The following PIK3C2G variants were observed in gnomAD, a reference collection of about 807,000 sequenced individuals.
PIK3C2G encodes phosphatidylinositol 3-kinase C2 domain-containing subunit gamma.
Under a neutral mutation model 181.1 loss-of-function variants are expected in PIK3C2G, and 168 were observed. That is an observed-to-expected ratio of 0.93 (90% CI 0.82 to 1.05). The LOEUF (loss-of-function observed/expected upper bound fraction) is 1.05, where lower values mean the gene tolerates loss of function less well. PIK3C2G is among the 50% of genes least tolerant of loss of function. PIK3C2G has a pLI of 0.00. For missense variants in PIK3C2G, 1,869 were observed against 1,732.8 expected, an observed-to-expected ratio of 1.08 and a Z score of -1.40; for synonymous variants, 573 against 592.2, an observed-to-expected ratio of 0.97 and a Z score of 0.47.
At chr12:18,361,619 T>G (rs1941245216) in intron 11 of PIK3C2G, among the ~76,000 whole-genome samples, 2 of 152,150 alleles carry the variant, frequency 1.3e-5, no homozygotes. Context: ...TCACTCTGCT[T>G]GTACTTGTAA....
At chr12:18,349,864 C>T (rs1940056621) in intron 11 of PIK3C2G, among the ~76,000 whole-genome samples, 1 of 152,112 alleles carries the variant, frequency 6.6e-6, no homozygotes, top group African/African-American at 2.4e-5. Flanking sequence ...AAAACATGTC[C>T]TGGCATGCAA....
At chr12:18,361,238 G>T (rs1486210556) in intron 11 of PIK3C2G, among the ~76,000 whole-genome samples, 1 of 151,716 alleles carries the variant, frequency 6.6e-6, no homozygotes, top group African/African-American at 2.4e-5. Flanking sequence ...GTATCCTTTA[G>T]CTCCATAATT....
intron 30 of PIK3C2G, among the ~76,000 whole-genome samples, chr12:18,599,696 AT>A (rs1947600697): frequency 7.0e-6 from 1 of 143,134 alleles, no homozygotes. Flanking sequence ...AAAAATAAAA[AT>A]AAAAATAAAG....
intron 25 of PIK3C2G, among the ~76,000 whole-genome samples, chr12:18,540,061 A>G (rs1326200978): frequency 6.6e-6 from 1 of 151,860 alleles, no homozygotes; most frequent in Admixed American, 6.6e-5. Flanking sequence ...TTTAAATAAT[A>G]AATATCCAGG....
chr12:18,259,157 T>C (rs1948177982), upstream of PIK3C2G, among the ~76,000 whole-genome samples: 1 of 152,100 alleles, frequency 6.6e-6, no homozygotes, highest in Admixed American at 6.6e-5. Context: ...ATAGCAGAAA[T>C]CTTGTCGGTC....
rs377755015 is a variant in PIK3C2G, at chr12:18,294,002, G to T, written c.1021G>T (p.Glu341Ter). 2.6e-6 allele frequency: 4 copies of T among 1,529,782 alleles called. No homozygotes were observed. The highest frequency in any genetic ancestry group is 1.4e-5 in the African/African-American group (1 of 72,964). The allele number at this position is 1,529,782 out of a possible 1,614,324, so 94.8% of individuals were successfully genotyped here. A position where few individuals can be genotyped will look rare whatever the true frequency, so the allele number is the denominator to read the frequency against. Residue 341 changes from glutamate to a stop codon, truncating the protein, a stop_gained, in exon 5 of 33, where the codon GAA (glutamate) becomes TAA (stop). Transcript: ENST00000538779. LOFTEE classifies it high-confidence loss of function. ...TATTCTAAGTGTATGTGGCTCTGAA[G>T]AATTTTTACAAAAGTAAGTATTTTA... ...DHILSVCGSE[E>*]FLQNDHCLGS...
intron 5 of PIK3C2G, among the ~76,000 whole-genome samples, chr12:18,308,885 CTGT>C (rs1950528928): frequency 1.3e-5 from 2 of 151,584 alleles, no homozygotes; most frequent in East Asian, 3.9e-4. Flanking sequence ...GAATGTAGCA[CTGT>C]TATGTGTTTA....
At chr12:18,673,408 C>T in the PIK3C2G span, among the ~76,000 whole-genome samples, 5 of 151,610 alleles carry the variant, frequency 3.3e-5, no homozygotes, top group Admixed American at 3.3e-4. Flanking sequence ...ATAAACAGAG[C>T]CATTTCACCA....
chr12:18,510,583 T>C (rs1041343216), intron 24 of PIK3C2G, among the ~76,000 whole-genome samples: 4 of 152,224 alleles, frequency 2.6e-5, no homozygotes, highest in African/African-American at 9.6e-5. Flanking sequence ...TTCGCTTTGC[T>C]GATGCTAGCC....
chr12:18,319,498 C>T (rs1951012359), intron 6 of PIK3C2G, among the ~76,000 whole-genome samples: 1 of 151,738 alleles, frequency 6.6e-6, no homozygotes, highest in African/African-American at 2.4e-5. Flanking sequence ...GTTTCCAATA[C>T]ATGTATCTTA....
At chr12:18,508,746 C>G (rs1282671399) in intron 24 of PIK3C2G, among the ~76,000 whole-genome samples, 1 of 151,990 alleles carries the variant, frequency 6.6e-6, no homozygotes, top group Non-Finnish European at 1.5e-5. Flanking sequence ...TAATGGAACA[C>G]TAGACATAAA....
At chr12:18,488,105 C>T (rs528331682) in intron 18 of PIK3C2G, among the ~76,000 whole-genome samples, 39 of 152,216 alleles carry the variant, frequency 2.6e-4, no homozygotes, top group African/African-American at 8.7e-4. Context: ...CTTATAAAAA[C>T]TATTTCTAAA....
At chr12:18,517,014 TCTTTG>T (rs200387884) in intron 24 of PIK3C2G, among the ~76,000 whole-genome samples, 1 of 151,298 alleles carries the variant, frequency 6.6e-6, no homozygotes, top group Non-Finnish European at 1.5e-5. Context: ...TTTTCTTTTT[TCTTTG>T]CTTTGCTTTT....
chr12:18,352,980 G>T (rs773176312), intron 11 of PIK3C2G, among the ~76,000 whole-genome samples: 2 of 152,196 alleles, frequency 1.3e-5, no homozygotes, highest in Non-Finnish European at 2.9e-5. Context: ...TAGGATGGTG[G>T]GTGGGACAGG....
chr12:18,661,803 A>G, the PIK3C2G span, among the ~76,000 whole-genome samples: 1 of 152,144 alleles, frequency 6.6e-6, no homozygotes, highest in Non-Finnish European at 1.5e-5. Flanking sequence ...CACCCAAAGG[A>G]ATATAAATTG....
intron 30 of PIK3C2G, among the ~76,000 whole-genome samples, chr12:18,598,035 G>A (rs1384801183): frequency 1.9e-4 from 29 of 152,020 alleles, no homozygotes; most frequent in Admixed American, 1.8e-3. Context: ...CATGCTCATG[G>A]GTAGGAAGAA....
rs1331884815 is a variant in PIK3C2G, at chr12:18,647,864, C to A, written c.4309-12C>A. On this transcript the variant is annotated splice_polypyrimidine_tract_variant and intron_variant, in intron 32 of 32. Transcript: ENST00000538779. Reference sequence around the variant, plus strand: ...TTCTGATTTATATTTTCATTATTTTCTCCGTTTTTAGGTAGTATATGATGA... The same window carrying A: ...TTCTGATTTATATTTTCATTATTTTATCCGTTTTTAGGTAGTATATGATGA... The A allele has an allele frequency of 4.9e-6, 7 of 1,440,978 alleles. No homozygotes were observed. The African/African-American group carries it at 1.0e-4, about 21-fold the overall frequency. 89.3% of individuals were successfully genotyped at this position (1,440,978 alleles called of 1,614,324 possible). A position where few individuals can be genotyped will look rare whatever the true frequency, so the allele number is the denominator to read the frequency against.
intron 18 of PIK3C2G, among the ~76,000 whole-genome samples, chr12:18,449,413 A>G (rs1947218908): frequency 1.3e-5 from 2 of 151,978 alleles, no homozygotes; most frequent in Non-Finnish European, 2.9e-5. Context: ...TTTAAGCTCC[A>G]CATGCATTAG....
In PIK3C2G at chr12:18,529,170, A is replaced by G. The variant is rs543550432; in HGVS notation, c.3324-8986A>G. 7.0e-4 allele frequency among the ~76,000 whole-genome samples: 103 copies of G among 147,518 alleles called. 1 individual carries two copies. The highest frequency in any genetic ancestry group is 2.6e-3 in the African/African-American group (98 of 37,694). On this transcript the variant is annotated intron_variant, in intron 24 of 32. Coordinates refer to ENST00000538779, the MANE Select transcript of PIK3C2G (RefSeq NM_001288772.2). ...CATCTTGCATTTATGACCCTGATGT[A>G]TATTAAATTCATACCTTTAAAAACT...
Sources: gnomAD v4.1 joint callset for allele counts (sites outside exome capture counted in the v4.1 genomes callset) on GRCh38, gnomAD v4.1.1 for gene constraint, MANE v1.5 for transcripts, NCBI Gene and HGNC (gene_info 2026-07-23, HGNC 2026-07-21) for gene names.